Variants in RPS18 observed in about 807,000 individuals in gnomAD.
The protein encoded by RPS18 is ribosomal protein S18.
For missense variants in RPS18, 49 were observed against 200.8 expected, an observed-to-expected ratio of 0.24 and a Z score of 4.57; for synonymous variants, 64 against 70.9, an observed-to-expected ratio of 0.90 and a Z score of 0.49.
chr6:33,273,017 C>T (rs761167326), intron 2 of RPS18, among the ~76,000 whole-genome samples: 7 of 152,230 alleles, frequency 4.6e-5, no homozygotes, highest in Non-Finnish European at 7.3e-5. Context: ...TCCTGAACCA[C>T]GAGCTTGTGA....
intron 2 of RPS18, 183 bp from the exon 3 acceptor site, chr6:33,275,614 C>T (rs1361798609): frequency 1.7e-5 from 11 of 634,468 alleles, no homozygotes; most frequent in African/African-American, 7.3e-5. Context: ...CCACTGCGAC[C>T]GGCCCAAAGT....
chr6:33,273,538 G>A (rs929041071), intron 2 of RPS18, among the ~76,000 whole-genome samples: 13 of 152,164 alleles, frequency 8.5e-5, no homozygotes, highest in Non-Finnish European at 1.6e-4. Context: ...GGATACTGTT[G>A]GCTCTGTTGA....
Position 33,276,157 on chromosome 6 carries a change from C to T in RPS18, c.292-19C>T, listed in dbSNP as rs1326054440. 2 of 1,610,578 alleles carry T rather than the reference C, an allele frequency of 1.2e-6. No individual in the cohort carries two copies. Among genetic ancestry groups the T allele is most frequent in the Non-Finnish European group, 1.7e-6 (2 of 1,176,826 alleles). ...AGGTCAGGGGATAAAACATCCCTTGCCCCCTCCTCTGAATCCAGGTCCTAG... is the reference window on the plus strand; with the variant it reads ...AGGTCAGGGGATAAAACATCCCTTGTCCCCTCCTCTGAATCCAGGTCCTAG... On this transcript the variant is annotated intron_variant, in intron 4 of 5. Coordinates refer to ENST00000439602, the MANE Select transcript of RPS18 (RefSeq NM_022551.3).
intron 2 of RPS18, 181 bp from the exon 3 acceptor site, chr6:33,275,616 G>T (rs1765577814): frequency 6.2e-6 from 4 of 642,148 alleles, no homozygotes; most frequent in African/African-American, 3.7e-5. Flanking sequence ...ACTGCGACCG[G>T]CCCAAAGTTA....
Position 33,275,956 on chromosome 6 carries a change from G to A in RPS18, c.190-9G>A, listed in dbSNP as rs746622779. Reference sequence around the variant, plus strand: ...GTCCATCTAGATCTGACCTTGGTCTGCCTGCCAGGTGGAACGTGTGATCAC... The same window carrying A: ...GTCCATCTAGATCTGACCTTGGTCTACCTGCCAGGTGGAACGTGTGATCAC... On this transcript the variant is annotated splice_polypyrimidine_tract_variant and intron_variant, in intron 3 of 5. Transcript: ENST00000439602. 1.9e-6 allele frequency: 3 copies of A among 1,613,656 alleles called. No homozygotes were observed. Among genetic ancestry groups the A allele is most frequent in the South Asian group, 2.2e-5 (2 of 91,068 alleles).
intron 2 of RPS18, among the ~76,000 whole-genome samples, chr6:33,274,292 C>T (rs552337610): frequency 2.6e-5 from 4 of 152,320 alleles, no homozygotes; most frequent in South Asian, 4.1e-4. Context: ...ACCTCCAGGG[C>T]TCAAGTCAAT....
intron 2 of RPS18, among the ~76,000 whole-genome samples, chr6:33,274,616 C>CAG (rs1765506095): frequency 1.3e-5 from 2 of 152,218 alleles, no homozygotes; most frequent in Admixed American, 1.3e-4. Context: ...TACCTTGCCT[C>CAG]TTCCTGTCTT....
intron 2 of RPS18, among the ~76,000 whole-genome samples, chr6:33,272,927 T>C (rs1018824106): frequency 1.3e-5 from 2 of 152,162 alleles, no homozygotes; most frequent in Non-Finnish European, 2.9e-5. Flanking sequence ...GCCAAGATAG[T>C]GGTCTAAGGT....
At chr6:33,272,813 C>T (rs1765320182) in intron 2 of RPS18, 87 bp downstream of exon 2, 2 of 778,310 alleles carry the variant, frequency 2.6e-6, no homozygotes, top group Non-Finnish European at 4.8e-6. Flanking sequence ...GCTGGGGAGA[C>T]TTGAGTCTCA....
Position 33,272,473 on chromosome 6 carries a change from T to G in RPS18, c.4-155T>G, listed in dbSNP as rs538469866. On this transcript the variant is annotated intron_variant, in intron 1 of 5. Coordinates refer to ENST00000439602, the MANE Select transcript of RPS18 (RefSeq NM_022551.3). ...GCCTACTCTGCAGGACTGAGGAGTTTGCTCTGTGGTGTGAAAACCTAAGGA... is the reference window on the plus strand; with the variant it reads ...GCCTACTCTGCAGGACTGAGGAGTTGGCTCTGTGGTGTGAAAACCTAAGGA... 125 of 689,414 alleles carry G rather than the reference T, an allele frequency of 1.8e-4. 1 individual carries two copies. The East Asian group carries it at 3.0e-3, about 16-fold the overall frequency. 42.7% of individuals were successfully genotyped at this position (689,414 alleles called of 1,614,324 possible). A position where few individuals can be genotyped will look rare whatever the true frequency, so the allele number is the denominator to read the frequency against.
intron 2 of RPS18, 49 bp downstream of exon 2, chr6:33,272,775 G>T: frequency 1.1e-6 from 1 of 938,134 alleles, no homozygotes; most frequent in Non-Finnish European, 1.8e-6. Flanking sequence ...GAATTGGGTT[G>T]TGAAGACATA....
intron 2 of RPS18, among the ~76,000 whole-genome samples, chr6:33,273,722 T>C (rs1458810332): frequency 3.3e-5 from 5 of 152,216 alleles, no homozygotes; most frequent in East Asian, 1.9e-4. Context: ...TTAGAAATCT[T>C]ATTTCATCTA....
At chr6:33,275,631 T>G in intron 2 of RPS18, 166 bp from the exon 3 acceptor site, 1 of 669,364 alleles carries the variant, frequency 1.5e-6, no homozygotes, top group Non-Finnish European at 2.7e-6. Flanking sequence ...AAGTTAACCT[T>G]CTGTCGAACG....
rs781640785 is a variant in RPS18, at chr6:33,272,639, C to T, written c.15C>T (p.Ile5=). 6.8e-7 allele frequency: 1 copy of T among 1,478,824 alleles called. No homozygotes were observed. The highest frequency in any genetic ancestry group is 9.5e-7 in the Non-Finnish European group (1 of 1,056,434). 91.6% of individuals were successfully genotyped at this position (1,478,824 alleles called of 1,614,324 possible). ...ACTTTTTCAACTAGTCTCTAGTGAT[C>T]CCTGAAAAGTTCCAGCATATTTTGC... MSLV[I]PEKFQHILRV... is the part of the protein sequence containing the mutation. Residue 5 remains isoleucine, a synonymous_variant, in exon 2 of 6, where the codon ATC becomes ATT. Coordinates refer to ENST00000439602, the MANE Select transcript of RPS18 (RefSeq NM_022551.3).
chr6:33,275,783 C>G lies in RPS18; in HGVS notation c.103-14C>G. 1 of 1,566,960 alleles carries G rather than the reference C, an allele frequency of 6.4e-7. No individual in the cohort carries two copies. The highest frequency in any genetic ancestry group is 8.8e-7 in the Non-Finnish European group (1 of 1,138,536). On this transcript the variant is annotated splice_polypyrimidine_tract_variant and intron_variant, in intron 2 of 5. Coordinates refer to ENST00000439602, the MANE Select transcript of RPS18 (RefSeq NM_022551.3). The stretch of plus-strand genomic sequence containing the variant: ...AGATTCAACACTAATTCCGAAACCC[C>G]TCACTTCATTCAGGGTGTGGGCCGA...
At chr6:33,273,216 T>C (rs1002953315) in intron 2 of RPS18, among the ~76,000 whole-genome samples, 5 of 151,544 alleles carry the variant, frequency 3.3e-5, no homozygotes, top group African/African-American at 9.8e-5. Flanking sequence ...GGACATTTAC[T>C]CAGATGAGCC....
intron 2 of RPS18, among the ~76,000 whole-genome samples, chr6:33,274,713 GTC>G (rs147491403): frequency 0.019 from 2,871 of 152,170 alleles, 85 homozygotes; most frequent in African/African-American, 0.064. Flanking sequence ...TCCTCTTCGT[GTC>G]TCTCTCATGA....
chr6:33,274,619 C>T (rs1765506460), intron 2 of RPS18, among the ~76,000 whole-genome samples: 1 of 152,222 alleles, frequency 6.6e-6, no homozygotes, highest in African/African-American at 2.4e-5. Flanking sequence ...CTTGCCTCTT[C>T]CTGTCTTCTG....
At chr6:33,272,511 T>C in intron 1 of RPS18, 117 bp from the exon 2 acceptor site, 1 of 737,560 alleles carries the variant, frequency 1.4e-6, no homozygotes, top group Non-Finnish European at 2.5e-6. Flanking sequence ...GGGGGGCGGG[T>C]GTCTTGCCAC....
Sources: gnomAD v4.1 joint callset for allele counts (sites outside exome capture counted in the v4.1 genomes callset) on GRCh38, gnomAD v4.1.1 for gene constraint, MANE v1.5 for transcripts, NCBI Gene and HGNC (gene_info 2026-07-23, HGNC 2026-07-21) for gene names.